Variants in MARCHF1 observed in about 807,000 individuals in gnomAD.
MARCHF1 encodes the protein membrane associated ring-CH-type finger 1.
A neutral mutation model predicts 54.2 loss-of-function variants in MARCHF1; 40 were observed. That is an observed-to-expected ratio of 0.74 (90% CI 0.57 to 0.96). The LOEUF (loss-of-function observed/expected upper bound fraction) is 0.96, where lower values mean the gene tolerates loss of function less well. Ranked by LOEUF, MARCHF1 falls within the 40% of genes least tolerant of loss-of-function variation. MARCHF1 has a pLI of 0.00. For missense variants in MARCHF1, 586 were observed against 656.5 expected, an observed-to-expected ratio of 0.89 and a Z score of 1.17; for synonymous variants, 236 against 236.3, an observed-to-expected ratio of 1.00 and a Z score of 0.01.
Position 164,282,680 on chromosome 4 carries a change from T to G in MARCHF1, c.-323+101190A>C, listed in dbSNP as rs550498443. 2.6e-5 allele frequency among the ~76,000 whole-genome samples: 4 copies of G among 151,284 alleles called. 1 individual carries two copies. The East Asian group carries it at 8.1e-4, about 31-fold the overall frequency. ...GTGGAAGGAACACAATTTTACCCAC[T>G]TGAACAAAAAGGAAACTTTTCTTGT... On this transcript the variant is annotated intron_variant, in intron 1 of 9. Transcript: ENST00000514618.
chr4:163,771,754 G>T (rs928559566), intron 4 of MARCHF1, among the ~76,000 whole-genome samples: 1 of 152,170 alleles, frequency 6.6e-6, no homozygotes, highest in African/African-American at 2.4e-5. Context: ...CAGCAATTCT[G>T]ATCTCAAGGG....
rs77390240 is a variant in MARCHF1, at chr4:163,807,345, T to C, written c.111+46676A>G. 6.2e-3 allele frequency among the ~76,000 whole-genome samples: 949 copies of C among 152,330 alleles called. 6 individuals carry two copies. Among genetic ancestry groups the C allele is most frequent in the South Asian group, 0.016 (77 of 4,830 alleles). On this transcript the variant is annotated intron_variant, in intron 4 of 9. Coordinates refer to ENST00000514618, the MANE Select transcript of MARCHF1 (RefSeq NM_001394959.1). The stretch of plus-strand genomic sequence containing the variant: ...TACAGACATACATTTGAAATGAATA[T>C]TTATACTCTTTCTATGGGTATGTAA...
chr4:164,293,733 T>C (rs536984493), intron 1 of MARCHF1, among the ~76,000 whole-genome samples: 1 of 152,350 alleles, frequency 6.6e-6, no homozygotes, highest in African/African-American at 2.4e-5. Flanking sequence ...CTCTTTGTTA[T>C]AAAATAAAAA....
At chr4:164,188,838 A>C in intron 1 of MARCHF1, 1 of 788,622 alleles carries the variant, frequency 1.3e-6, no homozygotes, top group Non-Finnish European at 2.3e-6. Flanking sequence ...ACTAAAATGC[A>C]ATAAACCGCT....
chr4:163,946,487 C>T lies in MARCHF1; in HGVS notation c.-39+42014G>A, dbSNP rs192803066. ...ATTGTATTTTTGCACCTATCCAACA[C>T]ACCTGTATGGATCAAGGTAAGAATA... On this transcript the variant is annotated intron_variant, in intron 3 of 9. Transcript: ENST00000514618. Among the ~76,000 whole-genome samples, 466 of 152,292 alleles carry T rather than the reference C, an allele frequency of 3.1e-3. 2 individuals are homozygous for T. Among genetic ancestry groups the T allele is most frequent in the Admixed American group, 6.7e-3 (103 of 15,300 alleles).
At chr4:163,818,631 C>G (rs1748608039) in intron 4 of MARCHF1, among the ~76,000 whole-genome samples, 1 of 152,090 alleles carries the variant, frequency 6.6e-6, no homozygotes. Context: ...ATTTCCCAAA[C>G]CTTTGCATGT....
intron 3 of MARCHF1, among the ~76,000 whole-genome samples, chr4:163,923,992 CA>C (rs1751486950): frequency 6.6e-6 from 1 of 151,826 alleles, no homozygotes; most frequent in East Asian, 1.9e-4. Flanking sequence ...TTTGGCCTGC[CA>C]ATAAACATTT....
chr4:164,199,677 C>CAGAGAGAGAG (rs752515952), intron 1 of MARCHF1, among the ~76,000 whole-genome samples: 19 of 64,014 alleles, frequency 3.0e-4, no homozygotes, highest in African/African-American at 5.0e-4. Context: ...CACACACACA[C>CAGAGAGAGAG]ACACAGAGAG....
chr4:163,836,251 ATTTATT>A (rs1749179562), intron 4 of MARCHF1, among the ~76,000 whole-genome samples: 1 of 149,648 alleles, frequency 6.7e-6, no homozygotes, highest in African/African-American at 2.5e-5. Flanking sequence ...TTATTTATTT[ATTTATT>A]TATTTAGAGA....
intron 4 of MARCHF1, among the ~76,000 whole-genome samples, chr4:163,767,093 C>T (rs1199866537): frequency 2.1e-5 from 2 of 95,242 alleles, no homozygotes; most frequent in African/African-American, 4.3e-5. Flanking sequence ...AAGGATACGG[C>T]GATGTAAAAA....
At chr4:163,548,574 T>G (rs1740262318) in intron 8 of MARCHF1, among the ~76,000 whole-genome samples, 1 of 152,180 alleles carries the variant, frequency 6.6e-6, no homozygotes, top group Non-Finnish European at 1.5e-5. Context: ...TAAGGAGAAG[T>G]GAAGCATAAG....
chr4:164,139,634 T>G lies in MARCHF1; in HGVS notation c.-322-27972A>C, dbSNP rs184883460. Reference sequence around the variant, plus strand: ...ATTTATATGAGAGAAACCCAGATATTAGAGGAGGAGCTGCTCATCCCTGCT... The same window carrying G: ...ATTTATATGAGAGAAACCCAGATATGAGAGGAGGAGCTGCTCATCCCTGCT... On this transcript the variant is annotated intron_variant, in intron 1 of 9. Coordinates refer to ENST00000514618, the MANE Select transcript of MARCHF1 (RefSeq NM_001394959.1). Among the ~76,000 whole-genome samples, 34 of 152,258 alleles carry G rather than the reference T, an allele frequency of 2.2e-4. No homozygotes were observed. In the East Asian group the frequency reaches 6.4e-3, roughly 29 times the overall value.
chr4:164,049,978 A>G (rs997698093), intron 2 of MARCHF1, among the ~76,000 whole-genome samples: 10 of 152,158 alleles, frequency 6.6e-5, no homozygotes, highest in Admixed American at 1.3e-4. Context: ...GTTTGATATA[A>G]AAAATGAAGG....
intron 5 of MARCHF1, among the ~76,000 whole-genome samples, chr4:163,667,003 G>T (rs962001718): frequency 6.6e-6 from 1 of 151,866 alleles, no homozygotes; most frequent in African/African-American, 2.4e-5. Context: ...AAAATAATAC[G>T]GGAGAAATTT....
chr4:164,183,303 G>T (rs1730882461), intron 1 of MARCHF1, among the ~76,000 whole-genome samples: 1 of 152,056 alleles, frequency 6.6e-6, no homozygotes, highest in Non-Finnish European at 1.5e-5. Context: ...CTTTCCCAAT[G>T]TAATGCATAA....
At chr4:164,271,194 G>A (rs1015192655) in intron 1 of MARCHF1, among the ~76,000 whole-genome samples, 3 of 152,158 alleles carry the variant, frequency 2.0e-5, no homozygotes, top group Non-Finnish European at 4.4e-5. Context: ...CCTGGAACCT[G>A]TGAATATGTT....
At chr4:163,886,171 AT>A (rs950015497) in intron 3 of MARCHF1, among the ~76,000 whole-genome samples, 10 of 150,172 alleles carry the variant, frequency 6.7e-5, no homozygotes, top group African/African-American at 2.4e-4. Flanking sequence ...ATAGATCTAT[AT>A]ATCTATAGAT....
intron 1 of MARCHF1, among the ~76,000 whole-genome samples, chr4:164,237,954 A>C (rs999790291): frequency 6.6e-6 from 1 of 152,080 alleles, no homozygotes; most frequent in African/African-American, 2.4e-5. Flanking sequence ...ATGAATATTC[A>C]AGAAATTTTA....
chr4:163,743,744 A>G (rs1333274850), intron 4 of MARCHF1, among the ~76,000 whole-genome samples: 1 of 152,066 alleles, frequency 6.6e-6, no homozygotes, highest in Non-Finnish European at 1.5e-5. Context: ...ATGCCTGGCC[A>G]ATTTTTTTGA....
Sources: allele counts gnomAD v4.1 joint callset (sites outside exome capture counted in the v4.1 genomes callset), GRCh38; gene constraint gnomAD v4.1.1; transcripts MANE v1.5; gene names NCBI Gene and HGNC (gene_info 2026-07-23, HGNC 2026-07-21).